ABTB3: variants seen among roughly 807,000 people sequenced by gnomAD.
ABTB3 encodes the protein ankyrin repeat- and BTB/POZ domain-containing protein 3.
At chr12:107,522,533 C>T in the ABTB3 span, among the ~76,000 whole-genome samples, 4 of 151,054 alleles carry the variant, frequency 2.6e-5, no homozygotes, top group African/African-American at 9.7e-5. Flanking sequence ...CTACTCCCCT[C>T]CCCTCCCACC....
chr12:107,536,865 T>A, the ABTB3 span, among the ~76,000 whole-genome samples: 1 of 152,188 alleles, frequency 6.6e-6, no homozygotes, highest in African/African-American at 2.4e-5. Context: ...GATCCAACAA[T>A]TCCACTACTG....
the ABTB3 span, among the ~76,000 whole-genome samples, chr12:107,498,585 G>T: frequency 4.8e-4 from 73 of 152,216 alleles, no homozygotes; most frequent in South Asian, 0.013. Flanking sequence ...CACATTCCTT[G>T]GCTCATGGAC....
the ABTB3 span, among the ~76,000 whole-genome samples, chr12:107,470,815 C>T: frequency 2.0e-5 from 3 of 152,170 alleles, no homozygotes; most frequent in Non-Finnish European, 4.4e-5. Context: ...GGAATCCCAC[C>T]CAGAACGGAG....
chr12:107,321,585 G>A, the ABTB3 span, among the ~76,000 whole-genome samples: 1 of 146,712 alleles, frequency 6.8e-6, no homozygotes, highest in Non-Finnish European at 1.5e-5. Context: ...AACCCTCAAA[G>A]AGAGGATATC....
the ABTB3 span, among the ~76,000 whole-genome samples, chr12:107,632,985 C>T: frequency 6.6e-6 from 1 of 152,218 alleles, no homozygotes; most frequent in Non-Finnish European, 1.5e-5. Flanking sequence ...TGTTCTCCCC[C>T]CTCCCGTCTG....
At chr12:107,614,758 T>G in the ABTB3 span, among the ~76,000 whole-genome samples, 1 of 152,202 alleles carries the variant, frequency 6.6e-6, no homozygotes, top group Non-Finnish European at 1.5e-5. Flanking sequence ...CTGAGACATT[T>G]TCTCACTGCC....
At chr12:107,320,729 C>T in the ABTB3 span, 2 of 455,066 alleles carry the variant, frequency 4.4e-6, no homozygotes, top group South Asian at 3.1e-5. Flanking sequence ...CTGGTGGGGG[C>T]TGCGGGATGG....
the ABTB3 span, among the ~76,000 whole-genome samples, chr12:107,654,565 T>C: frequency 2.0e-5 from 3 of 152,070 alleles, no homozygotes; most frequent in Non-Finnish European, 4.4e-5. Context: ...TCCCAAAGTG[T>C]TGGGATTACA....
At chr12:107,411,913 A>C in the ABTB3 span, among the ~76,000 whole-genome samples, 1 of 152,062 alleles carries the variant, frequency 6.6e-6, no homozygotes, top group East Asian at 1.9e-4. Flanking sequence ...GGTTCTGGGG[A>C]CTGAGAGCAA....
At chr12:107,364,127 G>A in the ABTB3 span, among the ~76,000 whole-genome samples, 1 of 152,078 alleles carries the variant, frequency 6.6e-6, no homozygotes, top group East Asian at 1.9e-4. Context: ...CCTTTGAAGG[G>A]CCAGTGACCC....
the ABTB3 span, among the ~76,000 whole-genome samples, chr12:107,509,212 C>T: frequency 6.6e-6 from 1 of 152,084 alleles, no homozygotes; most frequent in South Asian, 2.1e-4. Context: ...GAAAGGCTGA[C>T]CCCTGGGAGA....
the ABTB3 span, among the ~76,000 whole-genome samples, chr12:107,507,601 C>T: frequency 6.6e-6 from 1 of 152,200 alleles, no homozygotes; most frequent in East Asian, 1.9e-4. Flanking sequence ...ACTTGAGCCC[C>T]TCGATGCTCC....
chr12:107,437,481 C>G, the ABTB3 span, among the ~76,000 whole-genome samples: 2 of 152,034 alleles, frequency 1.3e-5, no homozygotes, highest in African/African-American at 4.8e-5. Flanking sequence ...ACTGCAACCT[C>G]CGCCTCCTGG....
At chr12:107,348,958 C>A in the ABTB3 span, among the ~76,000 whole-genome samples, 1 of 152,164 alleles carries the variant, frequency 6.6e-6, no homozygotes, top group Admixed American at 6.5e-5. Context: ...TGTGAGAAGA[C>A]CTTGGGCATG....
chr12:107,319,624 C>T, the ABTB3 span: 2 of 1,536,808 alleles, frequency 1.3e-6, no homozygotes, highest in Non-Finnish European at 1.7e-6. Flanking sequence ...TGGCGCTGCG[C>T]ATCCACGAGC....
the ABTB3 span, among the ~76,000 whole-genome samples, chr12:107,529,363 T>A: frequency 8.6e-5 from 13 of 150,994 alleles, no homozygotes; most frequent in Non-Finnish European, 1.5e-4. Context: ...ATGATGATGG[T>A]GATGGTGATG....
the ABTB3 span, among the ~76,000 whole-genome samples, chr12:107,560,569 C>G: frequency 1.3e-5 from 2 of 152,194 alleles, no homozygotes; most frequent in African/African-American, 4.8e-5. Flanking sequence ...ATTCTCACAG[C>G]AAAACCGGAA....
chr12:107,352,527 C>T, the ABTB3 span, among the ~76,000 whole-genome samples: 14 of 151,974 alleles, frequency 9.2e-5, no homozygotes, highest in African/African-American at 3.1e-4. Flanking sequence ...CTAGCTGTTA[C>T]CCAGATTGTG....
At chr12:107,509,582 G>A in the ABTB3 span, among the ~76,000 whole-genome samples, 1 of 152,270 alleles carries the variant, frequency 6.6e-6, no homozygotes, top group Non-Finnish European at 1.5e-5. Flanking sequence ...GCAGGAATGG[G>A]GTCCCACTGT....
Sources: allele counts gnomAD v4.1 joint callset (sites outside exome capture counted in the v4.1 genomes callset), GRCh38; gene constraint gnomAD v4.1.1; transcripts MANE v1.5; gene names NCBI Gene and HGNC (gene_info 2026-07-23, HGNC 2026-07-21).